PTPRN2: variants seen among roughly 807,000 people sequenced by gnomAD.
PTPRN2 encodes the protein protein tyrosine phosphatase receptor type N2, also known as receptor-type tyrosine-protein phosphatase N2.
Under a neutral mutation model 118.8 loss-of-function variants are expected in PTPRN2, and 74 were observed. The ratio of observed to expected loss-of-function variants is 0.62; its 90% CI spans 0.52 to 0.76. The LOEUF (loss-of-function observed/expected upper bound fraction) is 0.76, where lower values mean the gene tolerates loss of function less well. PTPRN2 is among the 30% of genes least tolerant of loss of function. PTPRN2 has a pLI of 0.00. For synonymous variants in PTPRN2, 641 were observed against 608.0 expected (o/e 1.05, Z -0.80); for missense variants, 1,481 against 1,394.4 (o/e 1.06, Z -0.99).
chr7:158,138,358 G>A lies in PTPRN2; in HGVS notation c.1068C>T (p.Ala356=). The A allele has an allele frequency of 6.2e-7, 1 of 1,613,788 alleles. No individual in the cohort carries two copies. Among genetic ancestry groups the A allele is most frequent in the East Asian group, 2.2e-5 (1 of 44,858 alleles). Residue 356 remains alanine (A), a synonymous_variant, in exon 7 of 23, where the codon GCC becomes GCT. Transcript: ENST00000389418. ...GVARGSPGRA[A]LGESGEQADG... ...CCGCCTGTTCTCCAGACTCTCCCAG[G>A]GCCGCTCTCCCAGGGCTGCCTCGAG...
intron 3 of PTPRN2, among the ~76,000 whole-genome samples, chr7:158,266,945 C>T (rs1797925200): frequency 6.6e-6 from 1 of 152,142 alleles, no homozygotes. Context: ...CCAGCTGCCT[C>T]CACCCCAGCT....
At chr7:158,371,858 T>C (rs1212746896) in intron 2 of PTPRN2, among the ~76,000 whole-genome samples, 1 of 152,200 alleles carries the variant, frequency 6.6e-6, no homozygotes, top group Non-Finnish European at 1.5e-5. Context: ...GCTCAAGATA[T>C]AGTACTTATT....
chr7:158,085,576 C>T lies in PTPRN2; in HGVS notation c.1644-4199G>A, dbSNP rs373956226. On this transcript the variant is annotated intron_variant, in intron 10 of 22. Transcript: ENST00000389418. Reference sequence around the variant, plus strand: ...CACACCCACCACGCCCATCCACACCCTCGACGCCCATCCAGATACCCATCC... The same window carrying T: ...CACACCCACCACGCCCATCCACACCTTCGACGCCCATCCAGATACCCATCC... 1.3e-3 allele frequency among the ~76,000 whole-genome samples: 165 copies of T among 122,780 alleles called. 1 individual carries two copies. Among genetic ancestry groups the T allele is most frequent in the African/African-American group, 5.0e-3 (154 of 30,774 alleles). 80.5% of individuals were successfully genotyped at this position (122,780 alleles called of 152,430 possible).
intron 11 of PTPRN2, among the ~76,000 whole-genome samples, chr7:157,972,076 T>G (rs1369881958): frequency 6.6e-6 from 1 of 152,216 alleles, no homozygotes; most frequent in Non-Finnish European, 1.5e-5. Flanking sequence ...CGCTGCCTCA[T>G]TCAGCAGCAG....
intron 5 of PTPRN2, among the ~76,000 whole-genome samples, chr7:158,177,818 G>A (rs537180780): frequency 6.6e-6 from 1 of 152,294 alleles, no homozygotes; most frequent in East Asian, 1.9e-4. Flanking sequence ...TACTATGAAA[G>A]CTACCATGAA....
intron 12 of PTPRN2, among the ~76,000 whole-genome samples, chr7:157,689,083 C>T (rs904394317): frequency 2.0e-5 from 3 of 152,064 alleles, no homozygotes; most frequent in Non-Finnish European, 2.9e-5. Flanking sequence ...TCGCAGCCCC[C>T]GGGCGGCGCA....
At chr7:158,206,959 TCCCCCCA>T (rs1827205155) in intron 3 of PTPRN2, among the ~76,000 whole-genome samples, 1 of 72,770 alleles carries the variant, frequency 1.4e-5, no homozygotes, top group African/African-American at 5.4e-5. Flanking sequence ...CCCTCCCCCC[TCCCCCCA>T]CCCCACAACA....
chr7:158,245,700 T>C (rs936575113), intron 3 of PTPRN2, among the ~76,000 whole-genome samples: 1 of 152,156 alleles, frequency 6.6e-6, no homozygotes, highest in Non-Finnish European at 1.5e-5. Context: ...TAGGCCCCTC[T>C]GGCAGTTTCC....
At position 157,540,390 on chromosome 7, in the gene PTPRN2, C is replaced by G. The variant is rs528952235; in HGVS notation, c.*324G>C. On this transcript the variant is annotated 3_prime_UTR_variant, in exon 23 of 23. Coordinates refer to ENST00000389418, the MANE Select transcript of PTPRN2 (RefSeq NM_002847.5). ...AGCACACTCTTCCTGGAAACCGCCT[C>G]GAACGTGCTGGCTACTGCATTGTTA... The G allele has an allele frequency of 1.8e-4, 38 of 208,562 alleles. 1 individual carries two copies. In the South Asian group the frequency reaches 3.8e-3, roughly 21 times the overall value. 12.9% of individuals were successfully genotyped at this position (208,562 alleles called of 1,614,324 possible).
intron 12 of PTPRN2, among the ~76,000 whole-genome samples, chr7:157,791,784 G>A (rs907067250): frequency 3.3e-5 from 5 of 152,242 alleles, no homozygotes; most frequent in Non-Finnish European, 7.3e-5. Context: ...TCTCCTAGGA[G>A]GTTTCTGGTA....
chr7:158,270,751 T>TCTCCACCTGGACCACCCC (rs1563066857), intron 3 of PTPRN2, among the ~76,000 whole-genome samples: 1 of 139,674 alleles, frequency 7.2e-6, no homozygotes, highest in South Asian at 2.3e-4. Context: ...TGAGCCGTCT[T>TCTCCACCTGGACCACCCC]CTCCACCTGG....
At position 157,618,838 on chromosome 7, in the gene PTPRN2, C is replaced by A. The variant is rs2150629751; in HGVS notation, c.2344+2524G>T. The A allele has an allele frequency of 6.6e-6, 1 of 152,328 alleles. No individual in the cohort carries two copies. Among genetic ancestry groups the A allele is most frequent in the South Asian group, 2.1e-4 (1 of 4,812 alleles). The allele number at this position is 152,328 out of a possible 1,614,324, so 9.4% of individuals were successfully genotyped here. A position where few individuals can be genotyped will look rare whatever the true frequency, so the allele number is the denominator to read the frequency against. ...CTGTCTTCCCTGGTGGCCTCTCAAC[C>A]CTGAAGGGCAGTGCTGTGTCTTCAC... is the stretch of plus-strand genomic sequence containing the variant. On this transcript the variant is annotated intron_variant, in intron 15 of 22. Transcript: ENST00000389418. The surrounding 1 kb of genome is among the most constrained non-coding windows in gnomAD (Gnocchi z 4.2).
At chr7:157,855,150 G>C (rs114783828) in intron 12 of PTPRN2, among the ~76,000 whole-genome samples, 2 of 143,404 alleles carry the variant, frequency 1.4e-5, no homozygotes, top group South Asian at 4.6e-4. Flanking sequence ...GGGTGTGTGC[G>C]GGGCCGGATC....
intron 11 of PTPRN2, among the ~76,000 whole-genome samples, chr7:157,919,972 TTAG>T (rs1166983569): frequency 6.6e-6 from 1 of 152,188 alleles, no homozygotes; most frequent in African/African-American, 2.4e-5. Context: ...GCCTACAGTA[TTAG>T]TATAGTAACA....
rs568194981 is a variant in PTPRN2 at position 157,892,108 on chromosome 7, C to T, written c.1788+6565G>A. 4.6e-5 allele frequency among the ~76,000 whole-genome samples: 7 copies of T among 151,812 alleles called. No individual in the cohort carries two copies. The South Asian group carries it at 1.0e-3, about 23-fold the overall frequency. On this transcript the variant is annotated intron_variant, in intron 12 of 22. Transcript: ENST00000389418. ...GGGCAGGGGACCTCTGTGTCTATCA[C>T]GACGCTTAGAAGCTAGAACGCTGGG...
intron 6 of PTPRN2, among the ~76,000 whole-genome samples, chr7:158,152,079 C>T (rs1821240229): frequency 7.1e-6 from 1 of 141,668 alleles, no homozygotes. Context: ...GAGGCTGAGG[C>T]AGGAGAATGG....
chr7:158,412,987 C>CT (rs199907031), intron 2 of PTPRN2, among the ~76,000 whole-genome samples: 2 of 144,406 alleles, frequency 1.4e-5, no homozygotes, highest in East Asian at 2.1e-4. Context: ...CAGGGCCCAT[C>CT]CAGCACCCTC....
At chr7:158,089,223 T>C (rs867705421) in intron 10 of PTPRN2, among the ~76,000 whole-genome samples, 5 of 29,252 alleles carry the variant, frequency 1.7e-4, no homozygotes, top group African/African-American at 3.7e-4. Context: ...ACAAACCTTC[T>C]TCCCCTGAGG....
chr7:158,064,703 A>G (rs1810623126), intron 11 of PTPRN2, among the ~76,000 whole-genome samples: 1 of 152,184 alleles, frequency 6.6e-6, no homozygotes. Context: ...GATTTCCAGA[A>G]GCTGACTGGT....
Sources: allele counts gnomAD v4.1 joint callset (sites outside exome capture counted in the v4.1 genomes callset), GRCh38; gene constraint gnomAD v4.1.1; non-coding constraint Gnocchi (gnomAD v3.1); transcripts MANE v1.5; gene names NCBI Gene and HGNC (gene_info 2026-07-23, HGNC 2026-07-21).